The following PCOLCE2 variants were observed in gnomAD, a reference collection of about 807,000 sequenced individuals.
The protein encoded by PCOLCE2 is procollagen C-endopeptidase enhancer 2, also known as procollagen C-proteinase enhancer 2.
A neutral mutation model predicts 47.0 loss-of-function variants in PCOLCE2; 42 were observed. The ratio of observed to expected loss-of-function variants is 0.89; its 90% CI spans 0.70 to 1.16. PCOLCE2 has a LOEUF of 1.16. Among genes scored for constraint, PCOLCE2 ranks in the 50% most tolerant of loss-of-function variants. The pLI, the probability that PCOLCE2 is intolerant of heterozygous loss-of-function variation, is 0.00. For synonymous variants in PCOLCE2, 169 were observed against 191.7 expected (o/e 0.88, Z 0.98); for missense variants, 500 against 526.1 (o/e 0.95, Z 0.49).
chr3:142,818,509 C>T, intron 8 of PCOLCE2, 44 bp from the exon 9 acceptor site: 2 of 1,485,898 alleles, frequency 1.3e-6, no homozygotes, highest in South Asian at 2.3e-5. Flanking sequence ...CTCTATGTAT[C>T]ATGTGTGAAA....
At chr3:142,821,138 C>G (rs188191153) in intron 7 of PCOLCE2, 93 bp from the exon 8 acceptor site, 1 of 978,094 alleles carries the variant, frequency 1.0e-6, no homozygotes, top group African/African-American at 1.6e-5. Flanking sequence ...GTTTCAGATA[C>G]GAAACATTTT....
intron 4 of PCOLCE2, 67 bp from the exon 5 acceptor site, chr3:142,838,973 C>T: frequency 1.6e-6 from 2 of 1,258,308 alleles, no homozygotes; most frequent in Admixed American, 1.8e-5. Flanking sequence ...AAATGGAATT[C>T]TTCCTCTCCC....
chr3:142,888,516 G>C (rs937468123), intron 1 of PCOLCE2: 1 of 341,932 alleles, frequency 2.9e-6, no homozygotes, highest in Non-Finnish European at 5.3e-6. Flanking sequence ...CCATAGACAC[G>C]AGGAGAGGGG....
chr3:142,888,855 C>A lies in PCOLCE2; in HGVS notation c.42G>T (p.Leu14=). 2 of 1,548,510 alleles carry A rather than the reference C, an allele frequency of 1.3e-6. No individual in the cohort carries two copies. Among genetic ancestry groups the A allele is most frequent in the African/African-American group, 1.4e-5 (1 of 70,676 alleles). Residue 14 remains leucine, a synonymous_variant, in exon 1 of 9, where the codon CTG becomes CTT. Transcript: ENST00000295992. ...GCCGCGAGAGCTGGGTGGCGGCAGC[C>A]AGCAGCAGGCAGAGTGGCGCCCAGG... is the stretch of plus-strand genomic sequence containing the variant. The part of the protein sequence containing the change: ...ANAWAPLCLL[L]AAATQLSRQQ...
chr3:142,880,493 C>G (rs929027256), intron 2 of PCOLCE2, among the ~76,000 whole-genome samples: 1 of 152,196 alleles, frequency 6.6e-6, no homozygotes, highest in African/African-American at 2.4e-5. Flanking sequence ...AAATTATACA[C>G]CCAGCACTGA....
intron 2 of PCOLCE2, among the ~76,000 whole-genome samples, chr3:142,867,714 T>C (rs115127732): frequency 6.6e-6 from 1 of 152,166 alleles, no homozygotes; most frequent in Non-Finnish European, 1.5e-5. Flanking sequence ...AGACTGATGA[T>C]ACCAAATATC....
intron 3 of PCOLCE2, among the ~76,000 whole-genome samples, chr3:142,844,039 C>G (rs537150882): frequency 6.6e-6 from 1 of 152,246 alleles, no homozygotes; most frequent in Non-Finnish European, 1.5e-5. Flanking sequence ...TATTGCCACC[C>G]AATCCCCACG....
At position 142,887,407 on chromosome 3, in the gene PCOLCE2, A is replaced by T; in HGVS notation, c.192+262T>A. 3 of 316,348 alleles carry T rather than the reference A, an allele frequency of 9.5e-6. No homozygotes were observed. In the South Asian group the frequency reaches 2.4e-4, roughly 25 times the overall value. The allele number at this position is 316,348 out of a possible 1,614,324, so 19.6% of individuals were successfully genotyped here. A position where few individuals can be genotyped will look rare whatever the true frequency, so the allele number is the denominator to read the frequency against. On this transcript the variant is annotated intron_variant, in intron 2 of 8. Transcript: ENST00000295992. ...TGAATCTATAAAACTCAACTGAGTC[A>T]CACTGGGCTTTCAGAAACACATCTG...
chr3:142,873,118 C>T (rs934497550), intron 2 of PCOLCE2, among the ~76,000 whole-genome samples: 3 of 151,964 alleles, frequency 2.0e-5, no homozygotes, highest in African/African-American at 7.2e-5. Context: ...GTTGGCTGGG[C>T]GCAGTGGCTC....
At chr3:142,828,605 TGGA>T (rs1937111746) in intron 6 of PCOLCE2, among the ~76,000 whole-genome samples, 1 of 152,128 alleles carries the variant, frequency 6.6e-6, no homozygotes. Context: ...GGAAAATAGG[TGGA>T]GAAGTAGGTC....
In PCOLCE2 at chr3:142,829,721, G is replaced by C. The variant is rs970897487; in HGVS notation, c.836C>G (p.Pro279Arg). 1.9e-6 allele frequency: 3 copies of C among 1,601,624 alleles called. No homozygotes were observed. Among genetic ancestry groups the C allele is most frequent in the Non-Finnish European group, 2.6e-6 (3 of 1,173,648 alleles). ...GGTTACAGGGAATGTGGTGGTGACAGGCTGTTCTGTAGTTGTAGGCAGTTT... is the reference window on the plus strand; with the variant it reads ...GGTTACAGGGAATGTGGTGGTGACACGCTGTTCTGTAGTTGTAGGCAGTTT... ...PKKLPTTTEQPVTTTFPVTTG... is the reference protein window; with the variant it reads ...PKKLPTTTEQRVTTTFPVTTG... Residue 279 changes from proline (P) to arginine (R), a missense_variant, in exon 6 of 9, where the codon CCT becomes CGT. Coordinates refer to ENST00000295992, the MANE Select transcript of PCOLCE2 (RefSeq NM_013363.4).
chr3:142,861,405 G>A (rs566383116), intron 2 of PCOLCE2, among the ~76,000 whole-genome samples: 1 of 152,208 alleles, frequency 6.6e-6, no homozygotes, highest in East Asian at 1.9e-4. Flanking sequence ...TTCCCTGACA[G>A]GATTCTCTAA....
chr3:142,884,070 G>T (rs1258502009), intron 2 of PCOLCE2, among the ~76,000 whole-genome samples: 1 of 152,168 alleles, frequency 6.6e-6, no homozygotes, highest in Non-Finnish European at 1.5e-5. Context: ...ATGTTGCAGT[G>T]AAATACATCA....
intron 6 of PCOLCE2, among the ~76,000 whole-genome samples, chr3:142,824,546 G>A (rs937565326): frequency 2.6e-5 from 4 of 152,128 alleles, no homozygotes; most frequent in African/African-American, 4.8e-5. Flanking sequence ...ACAGAACCAC[G>A]GTAACAGAAT....
In PCOLCE2 at chr3:142,842,755, T is replaced by A. The variant is rs1024333707; in HGVS notation, c.573+169A>T. 1.1e-4 allele frequency among the ~76,000 whole-genome samples: 16 copies of A among 145,104 alleles called. No individual in the cohort carries two copies. In the East Asian group the frequency reaches 2.0e-3, roughly 18 times the overall value. On this transcript the variant is annotated intron_variant, in intron 4 of 8. Coordinates refer to ENST00000295992, the MANE Select transcript of PCOLCE2 (RefSeq NM_013363.4). The surrounding 1 kb of genome is among the most constrained non-coding windows in gnomAD (Gnocchi z 4.1). ...ACTCTGTCTCAAAAAAAAAAAAAAA[T>A]ATCTGGGGTCTTCGCATGAAGAAAT...
At chr3:142,837,217 A>G (rs1675764411) in intron 5 of PCOLCE2, among the ~76,000 whole-genome samples, 1 of 152,248 alleles carries the variant, frequency 6.6e-6, no homozygotes, top group South Asian at 2.1e-4. Flanking sequence ...TTTCAGAAGG[A>G]AACAGCCCTG....
At chr3:142,853,591 A>G (rs1266687905) in intron 2 of PCOLCE2, among the ~76,000 whole-genome samples, 1 of 152,212 alleles carries the variant, frequency 6.6e-6, no homozygotes, top group Non-Finnish European at 1.5e-5. Flanking sequence ...CACAGACAAT[A>G]TACCTACTGC....
At position 142,818,424 on chromosome 3, in the gene PCOLCE2, G is replaced by A. The variant is rs116059545; in HGVS notation, c.1159C>T (p.Arg387Ter). 4.8e-5 allele frequency: 77 copies of A among 1,612,156 alleles called. No individual in the cohort carries two copies. In the African/African-American group the frequency reaches 7.8e-4, roughly 16 times the overall value. The change falls in exon 9 of 9, where the codon CGA becomes TGA. Residue 387 changes from arginine (R) to a stop codon, truncating the protein, a stop_gained. Coordinates refer to ENST00000295992, the MANE Select transcript of PCOLCE2 (RefSeq NM_013363.4). LOFTEE classifies it high-confidence loss of function. ...IIMGQVGEDG[R>*]GKIMPNSFIM... is the part of the protein sequence containing the mutation. Reference sequence around the variant, plus strand: ...AAGCTGTTTGGCATGATTTTGCCTCGCCCATCTTCACCTACTTGGCCCATA... The same window carrying A: ...AAGCTGTTTGGCATGATTTTGCCTCACCCATCTTCACCTACTTGGCCCATA...
chr3:142,886,541 C>T (rs1933721023), intron 2 of PCOLCE2, among the ~76,000 whole-genome samples: 1 of 152,110 alleles, frequency 6.6e-6, no homozygotes, highest in African/African-American at 2.4e-5. Flanking sequence ...ACATGGTTGG[C>T]ATTTTACAAG....
Sources: gnomAD v4.1 joint callset for allele counts (sites outside exome capture counted in the v4.1 genomes callset) on GRCh38, gnomAD v4.1.1 for gene constraint, Gnocchi (gnomAD v3.1) non-coding constraint, MANE v1.5 for transcripts, NCBI Gene and HGNC (gene_info 2026-07-23, HGNC 2026-07-21) for gene names.